NLRC5: variants seen among roughly 807,000 people sequenced by gnomAD.
NLRC5 encodes the protein protein NLRC5.
A neutral mutation model predicts 206.9 loss-of-function variants in NLRC5; 114 were observed. The observed-to-expected ratio is 0.55, with a 90% CI of 0.47 to 0.64. NLRC5 has a LOEUF of 0.64. NLRC5 is among the 30% of genes least tolerant of loss of function. NLRC5 has a pLI of 0.00. For synonymous variants in NLRC5, 952 were observed against 962.8 expected, an observed-to-expected ratio of 0.99 and a Z score of 0.21; for missense variants, 2,008 against 2,305.5, an observed-to-expected ratio of 0.87 and a Z score of 2.64.
intron 23 of NLRC5, among the ~76,000 whole-genome samples, chr16:57,049,065 G>A (rs2064429849): frequency 6.6e-6 from 1 of 151,812 alleles, no homozygotes; most frequent in Non-Finnish European, 1.5e-5. Context: ...ATTGTCTTGG[G>A]CCACACATAA....
intron 36 of NLRC5, among the ~76,000 whole-genome samples, chr16:57,068,694 C>A (rs2067319945): frequency 6.6e-6 from 1 of 152,196 alleles, no homozygotes. Context: ...CTACTATTAT[C>A]TCAACTACAG....
At position 57,077,659 on chromosome 16, in the gene NLRC5, G is replaced by A. The variant is rs199476014; in HGVS notation, c.4920-60G>A. 348 of 1,482,734 alleles carry A rather than the reference G, an allele frequency of 2.3e-4. 1 individual carries two copies. The African/African-American group carries it at 4.1e-3, about 18-fold the overall frequency. 91.8% of individuals were successfully genotyped at this position (1,482,734 alleles called of 1,614,324 possible). ...AGCAGGGGTGGCAGACCCAGCAGAT[G>A]TGCTGGGGTGTCGGGGAGAGGGGGC... is the stretch of plus-strand genomic sequence containing the variant. On this transcript the variant is annotated intron_variant, in intron 41 of 48. Transcript: ENST00000688547.
chr16:57,014,015 G>T (rs1308080503), intron 1 of NLRC5: 4 of 343,154 alleles, frequency 1.2e-5, no homozygotes, highest in Non-Finnish European at 2.2e-5. Context: ...TTTCTTGACA[G>T]ATTTAAGTTG....
Position 57,020,848 on chromosome 16 carries a change from G to A in NLRC5, c.136G>A (p.Glu46Lys), listed in dbSNP as rs368996988. 5.0e-5 allele frequency: 80 copies of A among 1,613,476 alleles called. No individual in the cohort carries two copies. The highest frequency in any genetic ancestry group is 1.1e-4 in the African/African-American group (8 of 74,726). Residue 46 changes from glutamate to lysine, a missense_variant, in exon 3 of 49, where the codon GAG (glutamate) becomes AAG (lysine). Transcript: ENST00000688547. The part of the protein sequence containing the change: ...LPNTDLDSRN[E>K]TLDPEQRVIL... ...CAACACGGACCTGGATTCCAGGAACGAGACCTTGGACCCTGAACAGAGAGT... is the reference window on the plus strand; with the variant it reads ...CAACACGGACCTGGATTCCAGGAACAAGACCTTGGACCCTGAACAGAGAGT...
intron 13 of NLRC5, chr16:57,034,528 G>A (rs565229510): frequency 5.2e-6 from 2 of 387,442 alleles, no homozygotes; most frequent in East Asian, 5.3e-5. Flanking sequence ...AAGTTAAGCT[G>A]CAGAAAGATA....
At position 57,045,464 on chromosome 16, in the gene NLRC5, ATCC is replaced by A; in HGVS notation, c.3225_3227del (p.Leu1076del). 5 of 1,614,044 alleles carry A rather than the reference ATCC, an allele frequency of 3.1e-6. No homozygotes were observed. The highest frequency in any genetic ancestry group is 2.5e-6 in the Non-Finnish European group (3 of 1,180,000). Reference sequence around the variant, plus strand: ...TGCTTCCAGCTTTGAAAGCCAACACATCCTCCTGAGAGGGGACAAGACAAGCAG... The same window carrying A: ...TGCTTCCAGCTTTGAAAGCCAACACATCCTGAGAGGGGACAAGACAAGCAG... On this transcript the variant is annotated inframe_deletion, in exon 21 of 49. Transcript: ENST00000688547.
chr16:57,061,101 G>T (rs1333221346), intron 30 of NLRC5, among the ~76,000 whole-genome samples: 1 of 152,266 alleles, frequency 6.6e-6, no homozygotes, highest in Non-Finnish European at 1.5e-5. Context: ...CCTTGGGTTA[G>T]TCAGTTTCCC....
In NLRC5 at chr16:57,061,615, C is replaced by T; in HGVS notation, c.4071-3C>T. The T allele has an allele frequency of 6.2e-7, 1 of 1,609,964 alleles. No homozygotes were observed. The highest frequency in any genetic ancestry group is 1.3e-5 in the African/African-American group (1 of 75,070). On this transcript the variant is annotated splice_polypyrimidine_tract_variant and splice_region_variant and intron_variant, in intron 31 of 48. Coordinates refer to ENST00000688547, the MANE Select transcript of NLRC5 (RefSeq NM_001384950.1). ...CACCTCAGTGACTGACCTCTGTCTCCAGGCTGACCCAGTGCTGCCTGGGCC... is the reference window on the plus strand; with the variant it reads ...CACCTCAGTGACTGACCTCTGTCTCTAGGCTGACCCAGTGCTGCCTGGGCC...
chr16:57,033,461 C>A, intron 11 of NLRC5, 143 bp from the exon 12 acceptor site: 1 of 708,954 alleles, frequency 1.4e-6, no homozygotes, highest in Non-Finnish European at 2.5e-6. Context: ...ACATCTTGAG[C>A]ATCTGCAAGC....
Position 57,049,972 on chromosome 16 carries a change from C to T in NLRC5, c.3423-1566C>T, listed in dbSNP as rs544281804. Among the ~76,000 whole-genome samples the T allele has an allele frequency of 2.0e-5, 3 of 152,132 alleles. No homozygotes were observed. The East Asian group carries it at 5.8e-4, about 29-fold the overall frequency. On this transcript the variant is annotated intron_variant, in intron 23 of 48. Transcript: ENST00000688547. ...AGTCCAGTGATTCCCCGGGGTTCCA[C>T]CGGGGAAGCCAGGGAAGATAGATTG... is the stretch of plus-strand genomic sequence containing the variant.
chr16:57,050,009 C>T lies in NLRC5; in HGVS notation c.3423-1529C>T, dbSNP rs186873378. Reference sequence around the variant, plus strand: ...GGGAAGATAGATTGTGGGGCTCCATCCCCCCTCCCTGAATTCAAGCACTGC... The same window carrying T: ...GGGAAGATAGATTGTGGGGCTCCATTCCCCCTCCCTGAATTCAAGCACTGC... On this transcript the variant is annotated intron_variant, in intron 23 of 48. Coordinates refer to ENST00000688547, the MANE Select transcript of NLRC5 (RefSeq NM_001384950.1). Among the ~76,000 whole-genome samples, 93 of 152,022 alleles carry T rather than the reference C, an allele frequency of 6.1e-4. 1 individual carries two copies. In the East Asian group the frequency reaches 0.015, roughly 25 times the overall value.
intron 15 of NLRC5, among the ~76,000 whole-genome samples, chr16:57,039,095 C>T (rs796177485): frequency 6.6e-6 from 1 of 152,122 alleles, no homozygotes; most frequent in African/African-American, 2.4e-5. Flanking sequence ...GTTTGTAAAA[C>T]AAAAATTATT....
chr16:57,079,684 T>TA (rs1333689916), intron 46 of NLRC5, 55 bp downstream of exon 46: 6 of 1,496,960 alleles, frequency 4.0e-6, no homozygotes, highest in Non-Finnish European at 5.6e-6. Context: ...TCGGGAGGGG[T>TA]CGGGGGAGTT....
chr16:57,077,936 C>T lies in NLRC5; in HGVS notation c.5004-7C>T, dbSNP rs200078667. On this transcript the variant is annotated splice_polypyrimidine_tract_variant and splice_region_variant and intron_variant, in intron 42 of 48. Transcript: ENST00000688547. ...AGTACTCAATGCTCATTCCTCTCCT[C>T]TTCCAGGCTTGGCTGCAATGCCCTG... 25 of 1,613,350 alleles carry T rather than the reference C, an allele frequency of 1.5e-5. No individual in the cohort carries two copies. In the South Asian group the frequency reaches 2.3e-4, roughly 15 times the overall value.
rs755237196 is a variant in NLRC5 at position 57,034,258 on chromosome 16, A to G, written c.2627+7A>G. 3 of 1,612,404 alleles carry G rather than the reference A, an allele frequency of 1.9e-6. No homozygotes were observed. The highest frequency in any genetic ancestry group is 4.5e-5 in the East Asian group (2 of 44,832). On this transcript the variant is annotated splice_region_variant and intron_variant, in intron 13 of 48. Coordinates refer to ENST00000688547, the MANE Select transcript of NLRC5 (RefSeq NM_001384950.1). ...CTCACCTGGAGGAAGTGGAGTGAGT[A>G]TCACGGGAAGCCCTGGCGTAGGAGC...
In NLRC5 at chr16:57,028,158, G is replaced by A. The variant is rs747445337; in HGVS notation, c.2159+3G>A. On this transcript the variant is annotated splice_donor_region_variant and intron_variant, in intron 7 of 48. Transcript: ENST00000688547. Reference sequence around the variant, plus strand: ...ATGGGGAGGCTGCAGATGCTGGGGTGAGCCAGGCCTTGGAGCTGAGAAGGG... The same window carrying A: ...ATGGGGAGGCTGCAGATGCTGGGGTAAGCCAGGCCTTGGAGCTGAGAAGGG... 1 of 1,612,508 alleles carries A rather than the reference G, an allele frequency of 6.2e-7. No homozygotes were observed. Among genetic ancestry groups the A allele is most frequent in the South Asian group, 1.1e-5 (1 of 90,932 alleles).
chr16:57,018,801 C>T (rs1318044349), intron 2 of NLRC5, among the ~76,000 whole-genome samples: 1 of 152,168 alleles, frequency 6.6e-6, no homozygotes, highest in East Asian at 1.9e-4. Context: ...TGAGGAAGGA[C>T]ATAGTACCAG....
intron 4 of NLRC5, among the ~76,000 whole-genome samples, chr16:57,022,519 T>C (rs2060790131): frequency 6.6e-6 from 1 of 152,210 alleles, no homozygotes; most frequent in Admixed American, 6.5e-5. Flanking sequence ...GCAGTGACTT[T>C]CAAGGCTTTA....
In NLRC5 at chr16:56,993,156, T is replaced by C. The variant is rs991347355; in HGVS notation, c.-128+3539T>C. The stretch of plus-strand genomic sequence containing the variant: ...ATACACACACACACACACACACATA[T>C]ACACATATATAGACACACACACACA... On this transcript the variant is annotated intron_variant, in intron 1 of 48. Transcript: ENST00000688547. 9.3e-5 allele frequency among the ~76,000 whole-genome samples: 14 copies of C among 151,296 alleles called. No homozygotes were observed. In the South Asian group the frequency reaches 1.7e-3, roughly 18 times the overall value.
Sources: gnomAD v4.1 joint callset for allele counts (sites outside exome capture counted in the v4.1 genomes callset) on GRCh38, gnomAD v4.1.1 for gene constraint, MANE v1.5 for transcripts, NCBI Gene and HGNC (gene_info 2026-07-23, HGNC 2026-07-21) for gene names.